The following PCDHA5 variants were observed in gnomAD, a reference collection of about 807,000 sequenced individuals.
The protein encoded by PCDHA5 is protocadherin alpha-5.
Under a neutral mutation model 61.6 loss-of-function variants are expected in PCDHA5, and 43 were observed. The observed-to-expected ratio is 0.70, with a 90% CI of 0.55 to 0.90. The LOEUF is 0.90. Among genes scored for constraint, PCDHA5 ranks in the 40% least tolerant of loss-of-function variants. PCDHA5 has a pLI of 0.00. For synonymous variants in PCDHA5, 627 were observed against 543.9 expected (o/e 1.15, Z -2.13); for missense variants, 1,298 against 1,222.7 (o/e 1.06, Z -0.92).
intron 1 of PCDHA5, chr5:140,870,575 A>G (rs2052179546): frequency 6.2e-7 from 1 of 1,613,690 alleles, no homozygotes; most frequent in Admixed American, 1.7e-5. Flanking sequence ...CTGGTGTCCT[A>G]CTCGCTGGTG....
chr5:140,853,840 A>G, intron 1 of PCDHA5: 1 of 986,846 alleles, frequency 1.0e-6, no homozygotes, highest in Non-Finnish European at 1.2e-6. Flanking sequence ...GAAATTTTAG[A>G]TCCATAGCCC....
At chr5:140,825,856 C>T (rs1768740598) in intron 1 of PCDHA5, 1 of 152,350 alleles carries the variant, frequency 6.6e-6, no homozygotes. Context: ...TACAAACTCC[C>T]CTCTTGAGTT....
intron 1 of PCDHA5, chr5:140,857,971 G>A: frequency 6.3e-7 from 1 of 1,596,806 alleles, no homozygotes; most frequent in Non-Finnish European, 8.6e-7. Flanking sequence ...AGACTGACTC[G>A]CCACGCCAGC....
intron 1 of PCDHA5, chr5:140,871,085 CG>C: frequency 6.2e-7 from 1 of 1,613,246 alleles, no homozygotes. Context: ...CTGACGGCCA[CG>C]GCCACCGTGC....
At chr5:140,974,151 G>A (rs2096617637) in intron 1 of PCDHA5, among the ~76,000 whole-genome samples, 1 of 152,118 alleles carries the variant, frequency 6.6e-6, no homozygotes, top group Non-Finnish European at 1.5e-5. Context: ...ACTATACAAG[G>A]GTTTTTCTTT....
Position 141,000,369 on chromosome 5 carries a change from C to CTG in PCDHA5, c.2501-9257_2501-9256insGT, listed in dbSNP as rs1469177188. On this transcript the variant is annotated intron_variant, in intron 3 of 3. Coordinates refer to ENST00000529859, the MANE Select transcript of PCDHA5 (RefSeq NM_018908.3). ...TCTCTCTGTCTCTCTCTGTCTCTCT[C>CTG]TCTCTCTCTCTCTCTCTCTCTCTCT... Among the ~76,000 whole-genome samples, 12 of 35,276 alleles carry CTG rather than the reference C, an allele frequency of 3.4e-4. No individual in the cohort carries two copies. In the East Asian group the frequency reaches 5.7e-3, roughly 17 times the overall value. The allele number at this position is 35,276 out of a possible 152,430, so 23.1% of individuals were successfully genotyped here.
rs565071573 is a variant in PCDHA5, at chr5:141,009,664, G to A, written c.2538G>A (p.Ala846=). The A allele has an allele frequency of 2.2e-5, 36 of 1,613,862 alleles. No individual in the cohort carries two copies. The highest frequency in any genetic ancestry group is 5.0e-5 in the Admixed American group (3 of 59,974). The stretch of plus-strand genomic sequence containing the variant: ...GAGAAGTGTCCCCTCCAGTCGGTGC[G>A]GGTGTCAACAGCAACAGCTGGACCT... The part of the protein sequence containing the change: ...EAGEVSPPVG[A]GVNSNSWTFK... Residue 846 remains alanine (A), a synonymous_variant, in exon 4 of 4, where the codon GCG becomes GCA. Transcript: ENST00000529859.
At chr5:140,838,287 T>TTTTTC (rs2150287312) in intron 1 of PCDHA5, among the ~76,000 whole-genome samples, 2,227 of 150,168 alleles carry the variant, frequency 0.015, 86 homozygotes, top group African/African-American at 0.051. Flanking sequence ...CTAATTTTTT[T>TTTTTC]TTTTTTTTGT....
chr5:140,928,068 C>T (rs1554205429), intron 1 of PCDHA5: 2 of 1,614,214 alleles, frequency 1.2e-6, no homozygotes, highest in Non-Finnish European at 1.7e-6. Context: ...CTTCCTTTGA[C>T]AACTACTACA....
intron 3 of PCDHA5, among the ~76,000 whole-genome samples, chr5:141,000,387 CTCTCTCTCTATATATATATA>C (rs1348939997): frequency 1.5e-5 from 1 of 66,898 alleles, no homozygotes; most frequent in Non-Finnish European, 2.8e-5. Context: ...CTCTCTCTCT[CTCTCTCTCTATATATATATA>C]TATATATATA....
intron 1 of PCDHA5, among the ~76,000 whole-genome samples, chr5:140,901,805 T>G (rs115665679): frequency 0.012 from 1,857 of 152,304 alleles, 44 homozygotes; most frequent in African/African-American, 0.042. Context: ...TGAACATTTT[T>G]ACAATATTGA....
intron 1 of PCDHA5, chr5:140,884,638 G>C: frequency 6.2e-7 from 1 of 1,610,712 alleles, no homozygotes; most frequent in South Asian, 1.1e-5. Context: ...GCCAGAGGGA[G>C]GAGGACTCAG....
chr5:140,882,868 G>A (rs1283664390), intron 1 of PCDHA5: 25 of 1,614,184 alleles, frequency 1.5e-5, no homozygotes, highest in Middle Eastern at 1.6e-4. Context: ...GGAAAACACT[G>A]GACAGAGAGG....
At chr5:140,833,480 A>G (rs1378647255) in intron 1 of PCDHA5, among the ~76,000 whole-genome samples, 4 of 152,220 alleles carry the variant, frequency 2.6e-5, no homozygotes, top group East Asian at 1.9e-4. Context: ...AAGAAATAAT[A>G]CAAATCATAT....
At position 140,829,585 on chromosome 5, in the gene PCDHA5, G is replaced by A. The variant is rs2150170592; in HGVS notation, c.2352+5458G>A. On this transcript the variant is annotated intron_variant, in intron 1 of 3. Transcript: ENST00000529859. ...TGTCCTACTCGCTGGTGGAGCGGCG[G>A]GTGGGCGAGCGCGCGTTGTCGAGCT... 3.9e-3 allele frequency: 6,235 copies of A among 1,612,244 alleles called. 24 individuals are homozygous for A. The highest frequency in any genetic ancestry group is 4.7e-3 in the Non-Finnish European group (5,594 of 1,179,798).
intron 1 of PCDHA5, among the ~76,000 whole-genome samples, chr5:140,925,170 A>G (rs2153576816): frequency 6.6e-6 from 1 of 152,194 alleles, no homozygotes; most frequent in East Asian, 1.9e-4. Flanking sequence ...TGTGTAATTG[A>G]CCCCAATGTA....
At chr5:140,849,149 C>T (rs1423345877) in intron 1 of PCDHA5, 1 of 1,253,130 alleles carries the variant, frequency 8.0e-7, no homozygotes, top group African/African-American at 1.8e-5. Context: ...CCGATGGAGG[C>T]AAACCCGAGC....
At chr5:140,944,171 GT>G (rs1250322343) in intron 1 of PCDHA5, among the ~76,000 whole-genome samples, 1 of 152,008 alleles carries the variant, frequency 6.6e-6, no homozygotes, top group Non-Finnish European at 1.5e-5. Context: ...GCCAAGGCTG[GT>G]TTTTTGTTGG....
intron 1 of PCDHA5, chr5:140,830,205 G>A: frequency 1.9e-6 from 3 of 1,613,780 alleles, no homozygotes; most frequent in Non-Finnish European, 2.5e-6. Context: ...ATCGCCATCT[G>A]CGCGGTATCC....
Sources: gnomAD v4.1 joint callset for allele counts (sites outside exome capture counted in the v4.1 genomes callset) on GRCh38, gnomAD v4.1.1 for gene constraint, MANE v1.5 for transcripts, NCBI Gene and HGNC (gene_info 2026-07-23, HGNC 2026-07-21) for gene names.